MEIS1: variants seen among roughly 807,000 people sequenced by gnomAD.
The protein encoded by MEIS1 is Meis homeobox 1, also known as homeobox protein Meis1.
In MEIS1, 5 loss-of-function variants were observed where a neutral mutation model predicts 50.8. The observed-to-expected ratio is 0.10, with a 90% CI of 0.05 to 0.21. MEIS1 has a LOEUF of 0.21. MEIS1 is among the 10% of genes least tolerant of loss of function. The probability of loss-of-function intolerance (pLI) is 1.00; values close to 1 mark genes in which losing one functional copy is unlikely to be tolerated. For missense variants in MEIS1, 318 were observed against 517.3 expected, an observed-to-expected ratio of 0.61 and a Z score of 3.74; for synonymous variants, 176 against 179.3, an observed-to-expected ratio of 0.98 and a Z score of 0.15.
intron 7 of MEIS1, among the ~76,000 whole-genome samples, chr2:66,476,002 A>G (rs577778158): frequency 6.6e-6 from 1 of 152,018 alleles, no homozygotes; most frequent in Non-Finnish European, 1.5e-5. Context: ...TCTTCTGACC[A>G]TTCTCTGGTG....
At chr2:66,542,099 C>CA (rs1344113513) in intron 8 of MEIS1, among the ~76,000 whole-genome samples, 1 of 151,856 alleles carries the variant, frequency 6.6e-6, no homozygotes, top group African/African-American at 2.4e-5. Context: ...GTTTTATAGG[C>CA]AAAAAACCAT....
intron 9 of MEIS1, among the ~76,000 whole-genome samples, chr2:66,566,734 C>G (rs1332723243): frequency 6.7e-6 from 1 of 150,084 alleles, no homozygotes; most frequent in Non-Finnish European, 1.5e-5. Context: ...TCAGTACTAG[C>G]TGGAGAAAGC....
At chr2:66,540,135 G>A (rs1246599484) in intron 8 of MEIS1, among the ~76,000 whole-genome samples, 1 of 152,120 alleles carries the variant, frequency 6.6e-6, no homozygotes, top group Non-Finnish European at 1.5e-5. Flanking sequence ...AAGGAGCTAA[G>A]CACAGCCCTT....
chr2:66,475,234 A>T (rs1001214773), intron 7 of MEIS1, among the ~76,000 whole-genome samples: 20 of 120,484 alleles, frequency 1.7e-4, no homozygotes, highest in African/African-American at 9.8e-4. Flanking sequence ...TTATAAAAAT[A>T]TTTATAAATA....
chr2:66,543,870 C>T (rs1430522196), intron 8 of MEIS1, among the ~76,000 whole-genome samples: 6 of 152,200 alleles, frequency 3.9e-5, no homozygotes, highest in Non-Finnish European at 8.8e-5. Context: ...GGCGAGGTCT[C>T]CCTCACTGTC....
intron 8 of MEIS1, 127 bp downstream of exon 8, chr2:66,512,421 T>G: frequency 8.8e-7 from 1 of 1,133,932 alleles, no homozygotes; most frequent in Admixed American, 3.7e-5. Context: ...GTTCCCACAG[T>G]TTTTGCAAAA....
At chr2:66,519,913 C>A (rs987669982) in intron 8 of MEIS1, among the ~76,000 whole-genome samples, 3 of 152,060 alleles carry the variant, frequency 2.0e-5, no homozygotes, top group African/African-American at 7.2e-5. Flanking sequence ...GTTGTCTTTG[C>A]ATTTCATTTC....
At chr2:66,440,057 G>T in intron 3 of MEIS1, 73 bp downstream of exon 3, 3 of 1,297,568 alleles carry the variant, frequency 2.3e-6, no homozygotes, top group Non-Finnish European at 3.0e-6. Context: ...ACACGCGCGC[G>T]CGCGCGCGCG....
intron 7 of MEIS1, among the ~76,000 whole-genome samples, chr2:66,484,410 C>G (rs768036595): frequency 2.7e-4 from 41 of 152,134 alleles, no homozygotes; most frequent in African/African-American, 9.2e-4. Flanking sequence ...TATTCATTCT[C>G]TCATGACATA....
chr2:66,511,832 C>T (rs937805777), intron 7 of MEIS1, among the ~76,000 whole-genome samples: 2 of 137,780 alleles, frequency 1.5e-5, no homozygotes, highest in Non-Finnish European at 3.3e-5. Flanking sequence ...GTAGGAGTTA[C>T]ACTTAACCTG....
At chr2:66,468,189 G>T (rs6727352) in intron 7 of MEIS1, among the ~76,000 whole-genome samples, 1 of 151,870 alleles carries the variant, frequency 6.6e-6, no homozygotes, top group Admixed American at 6.6e-5. Flanking sequence ...TGTGGCTTTC[G>T]TGTGTCTTTT....
At chr2:66,568,510 T>TCGGTGGTCGCCGTATC in intron 10 of MEIS1, 157 bp from the exon 11 acceptor site, 4 of 557,340 alleles carry the variant, frequency 7.2e-6, no homozygotes, top group Non-Finnish European at 6.5e-6. Context: ...TGTGTAGATC[T>TCGGTGGTCGCCGTATC]AGTCTGAGAG....
chr2:66,486,130 T>G (rs1453146514), intron 7 of MEIS1, among the ~76,000 whole-genome samples: 2 of 152,220 alleles, frequency 1.3e-5, no homozygotes. Flanking sequence ...TTTTGGCTTT[T>G]GTTGCCATTG....
At position 66,477,178 on chromosome 2, in the gene MEIS1, G is replaced by C. The variant is rs1262614165; in HGVS notation, c.742+12958G>C. On this transcript the variant is annotated intron_variant, in intron 7 of 12. Transcript: ENST00000272369. The stretch of plus-strand genomic sequence containing the variant: ...GGAAGTGAAGGAGGAATTGGAGCAG[G>C]GGGAGGCTGGAGTCAGCATGATAGT... 2.0e-5 allele frequency among the ~76,000 whole-genome samples: 3 copies of C among 152,172 alleles called. No homozygotes were observed. The East Asian group carries it at 5.8e-4, about 29-fold the overall frequency.
intron 5 of MEIS1, chr2:66,441,741 C>G: frequency 2.4e-6 from 1 of 413,250 alleles, no homozygotes; most frequent in Non-Finnish European, 4.3e-6. Context: ...TGCATCCCAG[C>G]TGATGTTTCG....
chr2:66,448,271 A>G (rs904988236), intron 6 of MEIS1, among the ~76,000 whole-genome samples: 1 of 152,220 alleles, frequency 6.6e-6, no homozygotes, highest in African/African-American at 2.4e-5. Context: ...CATATGTTTA[A>G]GTTTTTAAAT....
At chr2:66,441,498 C>T in intron 5 of MEIS1, 34 bp downstream of exon 5, 1 of 1,503,954 alleles carries the variant, frequency 6.6e-7, no homozygotes, top group Non-Finnish European at 8.9e-7. Context: ...TTTTACTTAC[C>T]CCTTACCCCC....
chr2:66,440,637 C>A, intron 4 of MEIS1, 25 bp downstream of exon 4: 2 of 1,075,498 alleles, frequency 1.9e-6, no homozygotes, highest in Non-Finnish European at 2.6e-6. Context: ...CTATTTCCCT[C>A]CCCCGCCCCC....
intron 9 of MEIS1, among the ~76,000 whole-genome samples, chr2:66,564,073 T>C (rs1402158389): frequency 1.3e-5 from 2 of 152,352 alleles, no homozygotes; most frequent in African/African-American, 4.8e-5. Flanking sequence ...ACATCCTATA[T>C]GTACTAATGA....
Sources: gnomAD v4.1 joint callset for allele counts (sites outside exome capture counted in the v4.1 genomes callset) on GRCh38, gnomAD v4.1.1 for gene constraint, MANE v1.5 for transcripts, NCBI Gene and HGNC (gene_info 2026-07-23, HGNC 2026-07-21) for gene names.